The following EPHA2 variants were observed in gnomAD, a reference collection of about 807,000 sequenced individuals.
EPHA2 encodes EPH receptor A2.
In EPHA2, 54 loss-of-function variants were observed where a neutral mutation model predicts 104.9. The observed-to-expected ratio is 0.51, with a 90% confidence interval of 0.41 to 0.65. The LOEUF (loss-of-function observed/expected upper bound fraction) is 0.65. EPHA2 is among the 30% of genes least tolerant of loss of function. The pLI is 0.00. For missense variants in EPHA2, 1,117 were observed against 1,369.5 expected, an observed-to-expected ratio of 0.82 and a Z score of 2.91; for synonymous variants, 560 against 559.1, an observed-to-expected ratio of 1.00 and a Z score of -0.02.
rs187528702 is a variant in EPHA2 at position 16,134,812 on chromosome 1, C to T, written c.1582+224G>A. Among the ~76,000 whole-genome samples, 183 of 152,340 alleles carry T rather than the reference C, an allele frequency of 1.2e-3. No homozygotes were observed. In the Middle Eastern group the frequency reaches 0.014, roughly 11 times the overall value. ...TTTTCTGAGATGCGGATTTGAACTT[C>T]CTCACACCACTGTCGTGAATCCACA... On this transcript the variant is annotated intron_variant, in intron 7 of 16. Coordinates refer to ENST00000358432, the MANE Select transcript of EPHA2 (RefSeq NM_004431.5). The surrounding 1 kb of genome is among the most constrained non-coding windows in gnomAD (Gnocchi z 4.5).
Position 16,150,510 on chromosome 1 carries a change from ACCT to A in EPHA2, c.153+383_153+385del, listed in dbSNP as rs1248737272. Among the ~76,000 whole-genome samples the A allele has an allele frequency of 6.6e-6, 1 of 152,064 alleles. No individual in the cohort carries two copies. The highest frequency in any genetic ancestry group is 6.6e-5 in the Admixed American group (1 of 15,262). The stretch of plus-strand genomic sequence containing the variant: ...GTTCCCTGTCTCTTCTTCACCCCTC[ACCT>A]CCTGGGCTGAGACCTCAAGACAGGG... On this transcript the variant is annotated intron_variant, in intron 2 of 16. Coordinates refer to ENST00000358432, the MANE Select transcript of EPHA2 (RefSeq NM_004431.5). This position sits in a 1 kb window ranked among gnomAD's most constrained non-coding sequence, Gnocchi z 4.8.
rs762260178 is a variant in EPHA2 at position 16,148,556 on chromosome 1, G to A, written c.645C>T (p.Ile215=). ...LQGLAHFPET[I]AGSDAPSLAT... ...CCAGGGAAGGTGCATCAGAGCCGGC[G>A]ATGGTCTCAGGGAAGTGGGCCAGGC... The change falls in exon 3 of 17, where the codon ATC becomes ATT. Residue 215 remains isoleucine (I), a synonymous_variant. Coordinates refer to ENST00000358432, the MANE Select transcript of EPHA2 (RefSeq NM_004431.5). This position sits in a 1 kb window ranked among gnomAD's most constrained non-coding sequence, Gnocchi z 4.9. 12 of 1,612,680 alleles carry A rather than the reference G, an allele frequency of 7.4e-6. No homozygotes were observed. Among genetic ancestry groups the A allele is most frequent in the South Asian group, 6.6e-5 (6 of 91,090 alleles).
chr1:16,149,943 G>A (rs1450166965), intron 2 of EPHA2, among the ~76,000 whole-genome samples: 1 of 152,214 alleles, frequency 6.6e-6, no homozygotes, highest in Non-Finnish European at 1.5e-5. Flanking sequence ...GGAGGACAGA[G>A]GCCCGGGCTA....
In EPHA2 at chr1:16,134,573, G is replaced by A. The variant is rs773952992; in HGVS notation, c.1583-6C>T. The A allele has an allele frequency of 1.5e-5, 25 of 1,613,852 alleles. 1 individual carries two copies. The South Asian group carries it at 2.2e-4, about 14-fold the overall frequency. ...GTTGCCAGATCCCTCCGGGGCTGGT[G>A]GAAGAAATCAGCTGATGACAAGGGA... On this transcript the variant is annotated splice_region_variant and splice_polypyrimidine_tract_variant and intron_variant, in intron 7 of 16. Transcript: ENST00000358432. The surrounding 1 kb of genome is among the most constrained non-coding windows in gnomAD (Gnocchi z 4.5).
rs558210711 is a variant in EPHA2, at chr1:16,141,304, G to T, written c.824-2874C>A. Among the ~76,000 whole-genome samples, 6 of 152,226 alleles carry T rather than the reference G, an allele frequency of 3.9e-5. No homozygotes were observed. The South Asian group carries it at 1.0e-3, about 26-fold the overall frequency. ...GGGGTTGGTTGGGGTGGCTGAAGTGGTCTCCTTCAAGCCCCGAATGTCTTC... is the reference window on the plus strand; with the variant it reads ...GGGGTTGGTTGGGGTGGCTGAAGTGTTCTCCTTCAAGCCCCGAATGTCTTC... On this transcript the variant is annotated intron_variant, in intron 3 of 16. Transcript: ENST00000358432.
chr1:16,145,482 G>A (rs1350051376), intron 3 of EPHA2, among the ~76,000 whole-genome samples: 1 of 152,192 alleles, frequency 6.6e-6, no homozygotes, highest in African/African-American at 2.4e-5. Flanking sequence ...CCTAGACAAG[G>A]TGCCAGGTGA....
In EPHA2 at chr1:16,148,297, A is replaced by G; in HGVS notation, c.823+81T>C. The G allele has an allele frequency of 6.4e-7, 1 of 1,571,698 alleles. No homozygotes were observed. The highest frequency in any genetic ancestry group is 8.7e-7 in the Non-Finnish European group (1 of 1,149,048). Reference sequence around the variant, plus strand: ...GTGTCAAAGCAGGGATGAGCTTACCAAGATTCCATGATTCCAAAGCTAAAG... The same window carrying G: ...GTGTCAAAGCAGGGATGAGCTTACCGAGATTCCATGATTCCAAAGCTAAAG... On this transcript the variant is annotated intron_variant, in intron 3 of 16. Transcript: ENST00000358432. This position sits in a 1 kb window ranked among gnomAD's most constrained non-coding sequence, Gnocchi z 4.9.
Position 16,135,815 on chromosome 1 carries a change from C to G in EPHA2, c.1313-45G>C, listed in dbSNP as rs745474288. The G allele has an allele frequency of 4.5e-5, 44 of 985,662 alleles. 1 individual carries two copies. The highest frequency in any genetic ancestry group is 5.4e-4 in the Middle Eastern group (2 of 3,670). The allele number at this position is 985,662 out of a possible 1,614,324, so 61.1% of individuals were successfully genotyped here. On this transcript the variant is annotated intron_variant, in intron 5 of 16. Coordinates refer to ENST00000358432, the MANE Select transcript of EPHA2 (RefSeq NM_004431.5). This position sits in a 1 kb window ranked among gnomAD's most constrained non-coding sequence, Gnocchi z 4.3. ...GGGGAAGTGGGTAAGAAGCTGCCTA[C>G]GAGCAGGCAGGGTTTGGGGGGACAA...
rs1396400665 is a variant in EPHA2, at chr1:16,137,905, G to C, written c.1260C>G (p.Gly420=). Residue 420 remains glycine (G), a synonymous_variant, in exon 5 of 17, where the codon GGC becomes GGG. Coordinates refer to ENST00000358432, the MANE Select transcript of EPHA2 (RefSeq NM_004431.5). ...TACGGAAGCTGCGGCTGGTTACCAGGCCTGAGACGCCATTGCGGGCCTCCA... is the reference window on the plus strand; with the variant it reads ...TACGGAAGCTGCGGCTGGTTACCAGCCCTGAGACGCCATTGCGGGCCTCCA... ...FTVEARNGVS[G]LVTSRSFRTA... 1.2e-6 allele frequency: 2 copies of C among 1,613,946 alleles called. No homozygotes were observed. The highest frequency in any genetic ancestry group is 2.2e-5 in the South Asian group (2 of 91,086).
chr1:16,136,875 C>T (rs1273835130), intron 5 of EPHA2, among the ~76,000 whole-genome samples: 51 of 150,926 alleles, frequency 3.4e-4, no homozygotes, highest in African/African-American at 1.0e-3. Flanking sequence ...CTCGGCTCAC[C>T]GCAACCTCCA....
In EPHA2 at chr1:16,125,372, GGCCGGGCT is replaced by G; in HGVS notation, c.2826-60_2826-53del. 1 of 1,158,292 alleles carries G rather than the reference GGCCGGGCT, an allele frequency of 8.6e-7. No homozygotes were observed. The allele number at this position is 1,158,292 out of a possible 1,614,324, so 71.8% of individuals were successfully genotyped here. On this transcript the variant is annotated intron_variant, in intron 16 of 16. Coordinates refer to ENST00000358432, the MANE Select transcript of EPHA2 (RefSeq NM_004431.5). The surrounding 1 kb of genome is among the most constrained non-coding windows in gnomAD (Gnocchi z 4.9). ...AGTTAGGGGCTGGAGCAGGGGAGGG[GGCCGGGCT>G]GGGTGGGGACAGGACTCGGTGGGCG...
At position 16,131,252 on chromosome 1, in the gene EPHA2, C is replaced by T. The variant is rs2024564426; in HGVS notation, c.2475+469G>A. 6.6e-6 allele frequency among the ~76,000 whole-genome samples: 1 copy of T among 152,082 alleles called. No homozygotes were observed. Among genetic ancestry groups the T allele is most frequent in the Admixed American group, 6.6e-5 (1 of 15,238 alleles). Reference sequence around the variant, plus strand: ...ACTCTCTGAATCAGCTCCTGGAACCCAGCACAAGGCCTGGCACGCAGTAGA... The same window carrying T: ...ACTCTCTGAATCAGCTCCTGGAACCTAGCACAAGGCCTGGCACGCAGTAGA... On this transcript the variant is annotated intron_variant, in intron 14 of 16. Coordinates refer to ENST00000358432, the MANE Select transcript of EPHA2 (RefSeq NM_004431.5). The surrounding 1 kb of genome is among the most constrained non-coding windows in gnomAD (Gnocchi z 5.2).
In EPHA2 at chr1:16,130,226, C is replaced by T. The variant is rs142789236; in HGVS notation, c.2669G>A (p.Arg890His). 8.7e-5 allele frequency: 140 copies of T among 1,613,994 alleles called. No homozygotes were observed. Among genetic ancestry groups the T allele is most frequent in the Middle Eastern group, 1.6e-4 (1 of 6,082 alleles). ...SLKTLADFDP[R>H]VSIRLPSTSG... ...CATGGGCAGAGGGCATAGAACTCACCGGGGGTCAAAGTCAGCCAGGGTCTT... is the reference window on the plus strand; with the variant it reads ...CATGGGCAGAGGGCATAGAACTCACTGGGGGTCAAAGTCAGCCAGGGTCTT... Residue 890 changes from arginine (R) to histidine (H), a missense_variant and splice_region_variant, in exon 15 of 17, where the codon CGC (arginine) becomes CAC (histidine). Transcript: ENST00000358432. The surrounding 1 kb of genome is among the most constrained non-coding windows in gnomAD (Gnocchi z 4.5).
chr1:16,133,360 C>T lies in EPHA2; in HGVS notation c.1873G>A (p.Gly625Arg), dbSNP rs1466178100. 1 of 1,613,882 alleles carries T rather than the reference C, an allele frequency of 6.2e-7. No homozygotes were observed. ...RQKVIGAGEF[G>R]EVYKGMLKTS... ...TTCAGCATGCCCTTGTACACCTCCC[C>T]AAACTCTCCTGTGGGCAGACAGGGT... The change falls in exon 11 of 17, where the codon GGG becomes AGG. Residue 625 changes from glycine to arginine, a missense_variant. Gly to Arg is a moderately radical substitution (Grantham distance 125). Coordinates refer to ENST00000358432, the MANE Select transcript of EPHA2 (RefSeq NM_004431.5).
chr1:16,136,067 C>T (rs1457596365), intron 5 of EPHA2, among the ~76,000 whole-genome samples: 1 of 151,922 alleles, frequency 6.6e-6, no homozygotes, highest in African/African-American at 2.4e-5. Context: ...GATGGGGTCT[C>T]CCTATGTTGC....
In EPHA2 at chr1:16,130,150, G is replaced by A. The variant is rs115905560; in HGVS notation, c.2669+76C>T. ...CCCCCCTACCAGCTTCACCTGGGTG[G>A]CCACTCTACCGAAGTGGTTCAAGAG... On this transcript the variant is annotated intron_variant, in intron 15 of 16. Transcript: ENST00000358432. This position sits in a 1 kb window ranked among gnomAD's most constrained non-coding sequence, Gnocchi z 4.5. The A allele has an allele frequency of 8.7e-4, 1,382 of 1,591,026 alleles. 8 individuals carry two copies. In the African/African-American group the frequency reaches 0.017, roughly 19 times the overall value.
intron 16 of EPHA2, among the ~76,000 whole-genome samples, chr1:16,127,176 C>T (rs16852471): frequency 0.042 from 6,434 of 152,148 alleles, 262 homozygotes; most frequent in African/African-American, 0.12. Context: ...TGGAGCCTCA[C>T]GTGTCAGATC....
In EPHA2 at chr1:16,148,407, C is replaced by T. The variant is rs2124260106; in HGVS notation, c.794G>A (p.Gly265Asp). ...VPIGQCLCQA[G>D]YEKVEDACQA... ...GCAGGCATCCTCCACCTTCTCGTAG[C>T]CTGCCTGGCACAGGCACTGCCCAAT... is the stretch of plus-strand genomic sequence containing the variant. Residue 265 changes from glycine to aspartate, a missense_variant, in exon 3 of 17, where the codon GGC becomes GAC. Coordinates refer to ENST00000358432, the MANE Select transcript of EPHA2 (RefSeq NM_004431.5). The surrounding 1 kb of genome is among the most constrained non-coding windows in gnomAD (Gnocchi z 4.9). The T allele has an allele frequency of 6.2e-7, 1 of 1,613,688 alleles. No individual in the cohort carries two copies. Among genetic ancestry groups the T allele is most frequent in the Non-Finnish European group, 8.5e-7 (1 of 1,180,042 alleles).
At chr1:16,151,592 G>A (rs2025038021) in intron 1 of EPHA2, among the ~76,000 whole-genome samples, 1 of 152,130 alleles carries the variant, frequency 6.6e-6, no homozygotes, top group African/African-American at 2.4e-5. Context: ...TCTGGAAACC[G>A]ATCTTCTCAC....
Sources: allele counts gnomAD v4.1 joint callset (sites outside exome capture counted in the v4.1 genomes callset), GRCh38; gene constraint gnomAD v4.1.1; non-coding constraint Gnocchi (gnomAD v3.1); transcripts MANE v1.5; gene names NCBI Gene and HGNC (gene_info 2026-07-23, HGNC 2026-07-21).